The following PRPS1 variants were observed in gnomAD, a reference collection of about 807,000 sequenced individuals.
The protein encoded by PRPS1 is ribose-phosphate pyrophosphokinase 1.
In PRPS1, 1 loss-of-function variant was observed where a neutral mutation model predicts 16.9. That is an observed-to-expected ratio of 0.06 (90% CI 0.02 to 0.28). PRPS1 has a LOEUF of 0.28. Among genes scored for constraint, PRPS1 ranks in the 10% least tolerant of loss-of-function variants. The probability of loss-of-function intolerance (pLI) is 1.00; values close to 1 mark genes in which losing one functional copy is unlikely to be tolerated. For synonymous variants in PRPS1, 70 were observed against 90.2 expected (o/e 0.78, Z 1.27); for missense variants, 47 against 254.0 (o/e 0.19, Z 5.54).
At chrX:107,628,899 C>T (rs1206239765) in intron 1 of PRPS1, 149 bp downstream of exon 1, 1 of 821,129 alleles carries the variant, frequency 1.2e-6, no homozygotes, top group Admixed American at 2.9e-5. Context: ...GGGCTGTTTC[C>T]GTTATTTTAC....
At chrX:107,639,082 C>T (rs1196898584) in intron 1 of PRPS1, among the ~76,000 whole-genome samples, 5 of 111,774 alleles carry the variant, frequency 4.5e-5, no homozygotes, top group African/African-American at 1.6e-4. Flanking sequence ...ATACTTAATA[C>T]AATATAAATA....
rs746434896 is a variant in PRPS1, at chrX:107,645,163, GCT to G, written c.531-11_531-10del. 3.3e-6 allele frequency: 4 copies of G among 1,209,891 alleles called. No homozygotes were observed. Among genetic ancestry groups the G allele is most frequent in the Non-Finnish European group, 4.5e-6 (4 of 894,815 alleles). ...AGAAGCCACACATACATATGAACAC[GCT>G]CTGTTTTGCAGAGTGACCTCCATTG... On this transcript the variant is annotated splice_polypyrimidine_tract_variant and intron_variant, in intron 4 of 6. Coordinates refer to ENST00000372435, the MANE Select transcript of PRPS1 (RefSeq NM_002764.4).
intron 1 of PRPS1, among the ~76,000 whole-genome samples, chrX:107,634,285 G>A (rs1925374523): frequency 9.0e-6 from 1 of 110,502 alleles, no homozygotes; most frequent in Non-Finnish European, 1.9e-5. Flanking sequence ...CGCGATCTCG[G>A]TTCACTGCAA....
At chrX:107,628,851 G>C (rs1172820328) in intron 1 of PRPS1, 101 bp downstream of exon 1, 13 of 1,114,697 alleles carry the variant, frequency 1.2e-5, no homozygotes, top group East Asian at 6.2e-5. Context: ...CTGGGGGTTG[G>C]GGGGAGAGGG....
At chrX:107,633,101 CCTT>C (rs1476962888) in intron 1 of PRPS1, among the ~76,000 whole-genome samples, 1 of 111,480 alleles carries the variant, frequency 9.0e-6, no homozygotes, top group Non-Finnish European at 1.9e-5. Flanking sequence ...ATAACAAACA[CCTT>C]CTATGCTGAA....
At chrX:107,642,220 T>G in intron 3 of PRPS1, 146 bp from the exon 4 acceptor site, 2 of 869,419 alleles carry the variant, frequency 2.3e-6, no homozygotes, top group East Asian at 3.4e-5. Context: ...AAGGAGGCTT[T>G]TATAATCTAC....
At chrX:107,644,593 G>T (rs1925647640) in intron 4 of PRPS1, among the ~76,000 whole-genome samples, 1 of 111,749 alleles carries the variant, frequency 8.9e-6, no homozygotes, top group African/African-American at 3.3e-5. Context: ...ACTGGTGAGG[G>T]TGTCTGTCCT....
chrX:107,628,522 C>T lies in PRPS1; in HGVS notation c.-107C>T. The T allele has an allele frequency of 8.5e-7, 1 of 1,178,558 alleles. No individual in the cohort carries two copies. The highest frequency in any genetic ancestry group is 1.2e-6 in the Non-Finnish European group (1 of 868,198). ...CGCGCCGGGCGGGAATGTAAGATGG[C>T]GGAGTAGCAACGCAAAGCGCTTGGT... is the stretch of plus-strand genomic sequence containing the variant. On this transcript the variant is annotated 5_prime_UTR_variant, in exon 1 of 7. Transcript: ENST00000372435.
At chrX:107,639,582 A>G in intron 2 of PRPS1, 104 bp downstream of exon 2, 1 of 865,070 alleles carries the variant, frequency 1.2e-6, no homozygotes, top group Non-Finnish European at 1.7e-6. Context: ...GGGAATTTTA[A>G]AAATCACCTT....
chrX:107,647,344 C>T (rs1025097650), intron 5 of PRPS1, among the ~76,000 whole-genome samples: 44 of 112,856 alleles, frequency 3.9e-4, no homozygotes, highest in African/African-American at 1.4e-3. Flanking sequence ...CCTACTTTGT[C>T]TGCACCTTGA....
chrX:107,635,087 C>T (rs979665194), intron 1 of PRPS1, among the ~76,000 whole-genome samples: 3 of 111,859 alleles, frequency 2.7e-5, no homozygotes, highest in Admixed American at 9.5e-5. Flanking sequence ...GTGATCCGCC[C>T]GCCTCGGCCT....
At chrX:107,646,078 GCATTGTTT>G (rs763195177) in intron 5 of PRPS1, among the ~76,000 whole-genome samples, 1 of 110,815 alleles carries the variant, frequency 9.0e-6, no homozygotes, top group Admixed American at 9.7e-5. Flanking sequence ...ACTATGAGCA[GCATTGTTT>G]CTTAGAATGG....
chrX:107,633,083 C>T (rs980949459), intron 1 of PRPS1, among the ~76,000 whole-genome samples: 7 of 111,595 alleles, frequency 6.3e-5, no homozygotes, highest in African/African-American at 2.3e-4. Flanking sequence ...TTATTAGATA[C>T]ATGCCTTATA....
chrX:107,630,651 C>T (rs1004755821), intron 1 of PRPS1, among the ~76,000 whole-genome samples: 2 of 110,161 alleles, frequency 1.8e-5, no homozygotes, highest in Admixed American at 2.0e-4. Context: ...AACTGCTCCC[C>T]CAGGTGACTC....
chrX:107,636,329 A>G (rs1925441971), intron 1 of PRPS1, among the ~76,000 whole-genome samples: 2 of 111,197 alleles, frequency 1.8e-5, no homozygotes, highest in Admixed American at 1.9e-4. Flanking sequence ...CATGTTGCCA[A>G]GGTTGGTCTT....
At chrX:107,629,060 G>A (rs1925251225) in intron 1 of PRPS1, among the ~76,000 whole-genome samples, 1 of 111,464 alleles carries the variant, frequency 9.0e-6, no homozygotes, top group South Asian at 3.7e-4. Context: ...CCGACGCTTA[G>A]CCAGGGCGGT....
chrX:107,640,038 G>A (rs1925536772), intron 2 of PRPS1, among the ~76,000 whole-genome samples: 1 of 112,819 alleles, frequency 8.9e-6, no homozygotes, highest in African/African-American at 3.2e-5. Context: ...TTCCAACAGA[G>A]TATAAAGTAA....
intron 1 of PRPS1, among the ~76,000 whole-genome samples, chrX:107,630,451 C>A (rs1343861963): frequency 1.8e-5 from 2 of 112,060 alleles, no homozygotes; most frequent in Non-Finnish European, 3.8e-5. Flanking sequence ...TAGTTTTCTA[C>A]TGATTGATTT....
At chrX:107,630,044 T>C (rs2147675454) in intron 1 of PRPS1, 1 of 112,615 alleles carries the variant, frequency 8.9e-6, no homozygotes, top group South Asian at 3.6e-4. Context: ...ATGTCACCGA[T>C]AATGGACAGC....
Sources: allele counts gnomAD v4.1 joint callset (sites outside exome capture counted in the v4.1 genomes callset), GRCh38; gene constraint gnomAD v4.1.1; transcripts MANE v1.5; gene names NCBI Gene and HGNC (gene_info 2026-07-23, HGNC 2026-07-21).